TRPC7: variants seen among roughly 807,000 people sequenced by gnomAD.
TRPC7 encodes transient receptor potential cation channel subfamily C member 7.
A neutral mutation model predicts 90.1 loss-of-function variants in TRPC7; 42 were observed. The ratio of observed to expected loss-of-function variants is 0.47; its 90% confidence interval spans 0.36 to 0.60. The LOEUF (loss-of-function observed/expected upper bound fraction) is 0.60, where lower values mean the gene tolerates loss of function less well. TRPC7 is among the 20% of genes least tolerant of loss of function. TRPC7 has a pLI of 0.00. For missense variants in TRPC7, 955 were observed against 1,112.3 expected (o/e 0.86, Z 2.01); for synonymous variants, 451 against 436.3 (o/e 1.03, Z -0.42).
intron 5 of TRPC7, among the ~76,000 whole-genome samples, chr5:136,261,708 G>A (rs192250563): frequency 6.6e-6 from 1 of 152,254 alleles, no homozygotes; most frequent in East Asian, 1.9e-4. Flanking sequence ...ACATTGTTGT[G>A]CTCTGGGGCT....
intron 8 of TRPC7, among the ~76,000 whole-genome samples, chr5:136,228,988 G>A (rs1204740125): frequency 6.6e-6 from 1 of 152,210 alleles, no homozygotes; most frequent in Non-Finnish European, 1.5e-5. Flanking sequence ...CCATGCTACT[G>A]TCATTTCAAC....
intron 5 of TRPC7, among the ~76,000 whole-genome samples, chr5:136,256,888 C>A (rs1561690327): frequency 6.6e-6 from 1 of 152,160 alleles, no homozygotes; most frequent in Non-Finnish European, 1.5e-5. Flanking sequence ...CTTTCTTTTT[C>A]CCAGACATTA....
chr5:136,281,981 C>G (rs562977727), intron 3 of TRPC7, among the ~76,000 whole-genome samples: 1 of 152,166 alleles, frequency 6.6e-6, no homozygotes, highest in African/African-American at 2.4e-5. Flanking sequence ...AGTAGAGAAA[C>G]TTGATTATCA....
chr5:136,352,285 C>T (rs764402453), intron 2 of TRPC7, among the ~76,000 whole-genome samples: 29 of 152,144 alleles, frequency 1.9e-4, no homozygotes, highest in Non-Finnish European at 2.6e-4. Context: ...TCCATGTCCC[C>T]GCCCTGCCCC....
intron 2 of TRPC7, among the ~76,000 whole-genome samples, chr5:136,332,857 T>C: frequency 6.6e-6 from 1 of 152,222 alleles, no homozygotes; most frequent in East Asian, 1.9e-4. Flanking sequence ...TCATAGGACT[T>C]GCTTCAGCCA....
Position 136,213,092 on chromosome 5 carries a change from G to A in TRPC7, c.*343C>T, listed in dbSNP as rs1159009377. Among the ~76,000 whole-genome samples the A allele has an allele frequency of 6.6e-6, 1 of 152,194 alleles. No individual in the cohort carries two copies. The highest frequency in any genetic ancestry group is 2.4e-5 in the African/African-American group (1 of 41,454). On this transcript the variant is annotated 3_prime_UTR_variant, in exon 12 of 12. Coordinates refer to ENST00000513104, the MANE Select transcript of TRPC7 (RefSeq NM_020389.3). ...AGCCAGAGCTGCAGTCCCACCTGCA[G>A]TGGGAGGGCACAGGTGTGCACCCAA... is the stretch of plus-strand genomic sequence containing the variant.
intron 3 of TRPC7, among the ~76,000 whole-genome samples, chr5:136,283,724 CT>C (rs1757619672): frequency 1.3e-5 from 2 of 152,188 alleles, no homozygotes; most frequent in South Asian, 4.1e-4. Flanking sequence ...ACACTTAGGT[CT>C]TGACCAGATT....
chr5:136,219,120 G>T (rs1365637712), intron 10 of TRPC7, among the ~76,000 whole-genome samples: 1 of 152,142 alleles, frequency 6.6e-6, no homozygotes, highest in African/African-American at 2.4e-5. Context: ...TATGCAGGGG[G>T]AAGCCTCACT....
chr5:136,272,278 C>T (rs569366229), intron 4 of TRPC7, among the ~76,000 whole-genome samples: 1 of 152,306 alleles, frequency 6.6e-6, no homozygotes, highest in East Asian at 1.9e-4. Context: ...TAACAGACTT[C>T]GCCATTGCCC....
chr5:136,271,717 C>G (rs1015794458), intron 4 of TRPC7, among the ~76,000 whole-genome samples: 1 of 152,180 alleles, frequency 6.6e-6, no homozygotes, highest in Non-Finnish European at 1.5e-5. Flanking sequence ...TTTCTCTTGA[C>G]CCAGATGAAC....
intron 2 of TRPC7, among the ~76,000 whole-genome samples, chr5:136,324,631 T>C (rs1227452882): frequency 1.3e-5 from 2 of 152,224 alleles, no homozygotes; most frequent in African/African-American, 4.8e-5. Context: ...TCAAGACATG[T>C]TGATACCTTT....
chr5:136,214,940 T>C (rs1178117568), intron 11 of TRPC7, among the ~76,000 whole-genome samples: 2 of 152,184 alleles, frequency 1.3e-5, no homozygotes, highest in Non-Finnish European at 2.9e-5. Flanking sequence ...CTGCTTAAAA[T>C]AGACTGGAAA....
At chr5:136,360,233 C>A (rs1007761473) in intron 1 of TRPC7, among the ~76,000 whole-genome samples, 1 of 152,182 alleles carries the variant, frequency 6.6e-6, no homozygotes, top group African/African-American at 2.4e-5. Context: ...ATAGACACTG[C>A]AGCCTACAAA....
At chr5:136,257,039 C>T (rs1345870403) in intron 5 of TRPC7, among the ~76,000 whole-genome samples, 1 of 152,194 alleles carries the variant, frequency 6.6e-6, no homozygotes, top group Non-Finnish European at 1.5e-5. Flanking sequence ...CTGACTTGCT[C>T]ACAGGCCCAC....
At chr5:136,287,456 C>A (rs868801373) in intron 3 of TRPC7, among the ~76,000 whole-genome samples, 24 of 151,528 alleles carry the variant, frequency 1.6e-4, no homozygotes, top group South Asian at 4.2e-4. Context: ...AGTTGAACTC[C>A]CTGCCTTGGA....
chr5:136,320,467 C>T (rs1042137228), intron 2 of TRPC7, among the ~76,000 whole-genome samples: 1 of 152,164 alleles, frequency 6.6e-6, no homozygotes, highest in Non-Finnish European at 1.5e-5. Flanking sequence ...CAAAGGCTCC[C>T]TATCCAAAGT....
intron 3 of TRPC7, among the ~76,000 whole-genome samples, chr5:136,294,047 T>C (rs1212692755): frequency 6.6e-6 from 1 of 152,182 alleles, no homozygotes; most frequent in Non-Finnish European, 1.5e-5. Flanking sequence ...AGGAAAGGAT[T>C]CCCTATTTAA....
At chr5:136,359,856 G>A (rs1253458588) in intron 1 of TRPC7, among the ~76,000 whole-genome samples, 1 of 152,062 alleles carries the variant, frequency 6.6e-6, no homozygotes, top group East Asian at 1.9e-4. Flanking sequence ...TACTCAGCCT[G>A]TCCTACAATA....
At chr5:136,324,087 AT>A (rs1443948661) in intron 2 of TRPC7, among the ~76,000 whole-genome samples, 3 of 151,786 alleles carry the variant, frequency 2.0e-5, no homozygotes, top group Non-Finnish European at 2.9e-5. Context: ...ATATTTACAA[AT>A]TTTTCTTCAT....
Sources: gnomAD v4.1 joint callset for allele counts (sites outside exome capture counted in the v4.1 genomes callset) on GRCh38, gnomAD v4.1.1 for gene constraint, MANE v1.5 for transcripts, NCBI Gene and HGNC (gene_info 2026-07-23, HGNC 2026-07-21) for gene names.